Variants in RARB observed in about 807,000 individuals in gnomAD.
The protein encoded by RARB is retinoic acid receptor beta.
RARB carries 17 observed loss-of-function variants against 51.9 expected under a neutral mutation model. The ratio of observed to expected loss-of-function variants is 0.33; its 90% CI spans 0.22 to 0.49. RARB has a LOEUF of 0.49. Among genes scored for constraint, RARB ranks in the 20% least tolerant of loss-of-function variants. The pLI is 0.99. For missense variants in RARB, 369 were observed against 550.8 expected, an observed-to-expected ratio of 0.67 and a Z score of 3.30; for synonymous variants, 215 against 195.4, an observed-to-expected ratio of 1.10 and a Z score of -0.84.
At chr3:25,248,299 G>A (rs538137382) in intron 5 of RARB, among the ~76,000 whole-genome samples, 34 of 152,032 alleles carry the variant, frequency 2.2e-4, no homozygotes, top group Non-Finnish European at 4.6e-4. Context: ...GCATATAGGT[G>A]GATCATGTTT....
chr3:25,265,483 A>G (rs35974053), intron 5 of RARB, among the ~76,000 whole-genome samples: 67,723 of 151,924 alleles, frequency 0.45, 15,977 homozygotes, highest in East Asian at 0.68. Flanking sequence ...TTTTGTTGTC[A>G]TTGTTTTGAG....
At chr3:25,543,174 CAT>C (rs1490758178) in intron 3 of RARB, among the ~76,000 whole-genome samples, 10 of 152,178 alleles carry the variant, frequency 6.6e-5, no homozygotes, top group Admixed American at 4.6e-4. Flanking sequence ...CCAAGACACT[CAT>C]GTGTACATAC....
intron 2 of RARB, among the ~76,000 whole-genome samples, chr3:24,891,274 G>C (rs1247525048): frequency 1.3e-5 from 2 of 152,128 alleles, no homozygotes; most frequent in African/African-American, 4.8e-5. Flanking sequence ...TTTCATGCTA[G>C]AGGTAGTATA....
intron 5 of RARB, among the ~76,000 whole-genome samples, chr3:25,273,544 C>A (rs140469436): frequency 6.6e-6 from 1 of 152,136 alleles, no homozygotes; most frequent in Non-Finnish European, 1.5e-5. Flanking sequence ...GTGACATCTC[C>A]CTGCTCAGCT....
chr3:25,164,590 A>C (rs1468165170), intron 4 of RARB, among the ~76,000 whole-genome samples: 1 of 152,124 alleles, frequency 6.6e-6, no homozygotes, highest in Non-Finnish European at 1.5e-5. Flanking sequence ...GCTAGACTTG[A>C]TTTTCTAGAA....
At chr3:25,259,731 A>T (rs1198694807) in intron 5 of RARB, among the ~76,000 whole-genome samples, 1 of 152,216 alleles carries the variant, frequency 6.6e-6, no homozygotes, top group Non-Finnish European at 1.5e-5. Flanking sequence ...ACATATAAAT[A>T]ATATTGAAAA....
At chr3:24,997,970 A>G (rs1377588254) in intron 2 of RARB, among the ~76,000 whole-genome samples, 1 of 152,122 alleles carries the variant, frequency 6.6e-6, no homozygotes, top group Admixed American at 6.6e-5. Context: ...TTTTATCATT[A>G]TATAGTGATA....
At chr3:25,547,245 C>G (rs779230187) in intron 3 of RARB, among the ~76,000 whole-genome samples, 10 of 152,154 alleles carry the variant, frequency 6.6e-5, no homozygotes, top group Non-Finnish European at 1.2e-4. Context: ...ATAAGCCTCT[C>G]TTCCTCCCTG....
chr3:24,937,199 C>T (rs1242905736), intron 2 of RARB, among the ~76,000 whole-genome samples: 1 of 152,138 alleles, frequency 6.6e-6, no homozygotes, highest in East Asian at 1.9e-4. Flanking sequence ...TGTCTTCTTT[C>T]TTCTCTTTAT....
chr3:24,864,222 G>A (rs1489096505), intron 2 of RARB, among the ~76,000 whole-genome samples: 1 of 152,166 alleles, frequency 6.6e-6, no homozygotes, highest in Non-Finnish European at 1.5e-5. Context: ...CACGGCAGGG[G>A]CTGGAACTGT....
At chr3:24,902,919 A>C (rs76792180) in intron 2 of RARB, among the ~76,000 whole-genome samples, 1 of 152,244 alleles carries the variant, frequency 6.6e-6, no homozygotes, top group East Asian at 1.9e-4. Flanking sequence ...AAAGTATTTG[A>C]TTATCTTTAT....
chr3:24,869,270 A>C (rs550754787), intron 2 of RARB, among the ~76,000 whole-genome samples: 9 of 152,286 alleles, frequency 5.9e-5, no homozygotes, highest in African/African-American at 1.9e-4. Context: ...AATCTGGTCA[A>C]CTTTAGTATT....
chr3:24,977,857 T>A (rs1575101629), intron 2 of RARB, among the ~76,000 whole-genome samples: 1 of 152,174 alleles, frequency 6.6e-6, no homozygotes, highest in East Asian at 1.9e-4. Flanking sequence ...TGCTTCCAGT[T>A]TTTGCTCATT....
chr3:25,307,550 G>C (rs1704183380), intron 5 of RARB, among the ~76,000 whole-genome samples: 2 of 152,134 alleles, frequency 1.3e-5, no homozygotes, highest in Admixed American at 1.3e-4. Flanking sequence ...CAGGTTTGAA[G>C]GTTATGCAAA....
intron 4 of RARB, among the ~76,000 whole-genome samples, chr3:25,136,569 A>T (rs1226167539): frequency 6.6e-6 from 1 of 152,114 alleles, no homozygotes; most frequent in Non-Finnish European, 1.5e-5. Flanking sequence ...GAAACAATGC[A>T]TCACTAATTA....
intron 5 of RARB, among the ~76,000 whole-genome samples, chr3:25,219,354 G>A (rs375488012): frequency 1.3e-5 from 2 of 152,092 alleles, no homozygotes; most frequent in Non-Finnish European, 2.9e-5. Flanking sequence ...GGCTGTTCCT[G>A]TAAAAGAGAG....
At chr3:25,467,120 A>C (rs1489952958) in intron 2 of RARB, among the ~76,000 whole-genome samples, 1 of 152,098 alleles carries the variant, frequency 6.6e-6, no homozygotes, top group Non-Finnish European at 1.5e-5. Flanking sequence ...CTCAAATCCC[A>C]CTTTCCCATC....
At chr3:24,939,324 G>A (rs770381842) in intron 2 of RARB, among the ~76,000 whole-genome samples, 4 of 152,050 alleles carry the variant, frequency 2.6e-5, no homozygotes, top group African/African-American at 7.2e-5. Flanking sequence ...ATTCTTTCTA[G>A]CATATCTGTA....
intron 5 of RARB, among the ~76,000 whole-genome samples, chr3:25,409,749 C>T (rs1707510443): frequency 6.6e-6 from 1 of 152,272 alleles, no homozygotes; most frequent in South Asian, 2.1e-4. Context: ...ATGTGCAAGC[C>T]AACTGAGCAA....
Sources: gnomAD v4.1 joint callset for allele counts (sites outside exome capture counted in the v4.1 genomes callset) on GRCh38, gnomAD v4.1.1 for gene constraint, MANE v1.5 for transcripts, NCBI Gene and HGNC (gene_info 2026-07-23, HGNC 2026-07-21) for gene names.